Variants in ME1 observed in about 807,000 individuals in gnomAD.
ME1 encodes NADP-dependent malic enzyme.
In ME1, 74 loss-of-function variants were observed where a neutral mutation model predicts 66.4. That is an observed-to-expected ratio of 1.11 (90% CI 0.92 to 1.35). ME1 has a LOEUF of 1.35. Among genes scored for constraint, ME1 ranks in the 40% most tolerant of loss-of-function variants. The pLI, the probability that ME1 is intolerant of heterozygous loss-of-function variation, is 0.00. For missense variants in ME1, 750 were observed against 694.1 expected (o/e 1.08, Z -0.90); for synonymous variants, 251 against 235.6 (o/e 1.07, Z -0.60).
In ME1 at chr6:83,398,436, A is replaced by G; in HGVS notation, c.293T>C (p.Met98Thr). Residue 98 changes from methionine to threonine, a missense_variant, in exon 3 of 14, where the codon ATG (methionine) becomes ACG (threonine). Coordinates refer to ENST00000369705, the MANE Select transcript of ME1 (RefSeq NM_002395.6). ...RVLTSDIEKF[M>T]PIVYTPTVGL... ...CACAGTGGGAGTATAAACAATAGGC[A>G]TGAATTTCTCAATGTCAGATGTCAG... 6.2e-7 allele frequency: 1 copy of G among 1,603,670 alleles called. No homozygotes were observed. The highest frequency in any genetic ancestry group is 8.5e-7 in the Non-Finnish European group (1 of 1,174,234).
intron 2 of ME1, among the ~76,000 whole-genome samples, chr6:83,407,046 C>G (rs57849502): frequency 4.0e-5 from 6 of 151,762 alleles, no homozygotes; most frequent in African/African-American, 1.5e-4. Flanking sequence ...GAGTAACACC[C>G]TGATTAACAC....
At chr6:83,300,129 AAAAC>A (rs1767687039) in intron 6 of ME1, among the ~76,000 whole-genome samples, 1 of 152,178 alleles carries the variant, frequency 6.6e-6, no homozygotes, top group African/African-American at 2.4e-5. Flanking sequence ...AAAGCTAACA[AAAAC>A]AAGCAATGGG....
At chr6:83,374,181 T>A (rs555027420) in intron 3 of ME1, among the ~76,000 whole-genome samples, 4 of 152,350 alleles carry the variant, frequency 2.6e-5, no homozygotes, top group African/African-American at 9.6e-5. Context: ...CACCACACTG[T>A]CTTCCATAAT....
At chr6:83,399,615 C>T (rs2128550871) in intron 2 of ME1, among the ~76,000 whole-genome samples, 1 of 152,280 alleles carries the variant, frequency 6.6e-6, no homozygotes, top group South Asian at 2.1e-4. Context: ...TATCTTATGG[C>T]CTTTTTCTTT....
intron 5 of ME1, among the ~76,000 whole-genome samples, chr6:83,323,659 C>G (rs1389304243): frequency 6.6e-6 from 1 of 152,056 alleles, no homozygotes; most frequent in Non-Finnish European, 1.5e-5. Flanking sequence ...ACATATGCAC[C>G]AATACAGGAG....
intron 6 of ME1, among the ~76,000 whole-genome samples, chr6:83,255,824 ACCACT>A (rs2128528598): frequency 6.6e-6 from 1 of 152,210 alleles, no homozygotes; most frequent in South Asian, 2.1e-4. Context: ...ACTCTTCACA[ACCACT>A]CTATGAAGTA....
At chr6:83,275,706 C>G (rs1767166658) in intron 6 of ME1, among the ~76,000 whole-genome samples, 2 of 145,898 alleles carry the variant, frequency 1.4e-5, no homozygotes, top group African/African-American at 5.1e-5. Context: ...ACCTCGTGAT[C>G]CGCCCGCCTC....
At chr6:83,347,185 C>G (rs1335788885) in intron 4 of ME1, among the ~76,000 whole-genome samples, 1 of 152,136 alleles carries the variant, frequency 6.6e-6, no homozygotes, top group Non-Finnish European at 1.5e-5. Context: ...AACTCCTGAC[C>G]TCGTGATCCA....
chr6:83,277,051 AAACTG>A (rs1767195866), intron 6 of ME1, among the ~76,000 whole-genome samples: 1 of 152,258 alleles, frequency 6.6e-6, no homozygotes, highest in Non-Finnish European at 1.5e-5. Flanking sequence ...GTATTGAAGT[AAACTG>A]CATCCCACCT....
At chr6:83,373,328 C>A (rs893329765) in intron 3 of ME1, among the ~76,000 whole-genome samples, 1 of 152,034 alleles carries the variant, frequency 6.6e-6, no homozygotes, top group Admixed American at 6.6e-5. Flanking sequence ...CCGTACCTCC[C>A]GGGTTTAAGC....
chr6:83,269,104 TAG>T (rs1767041409), intron 6 of ME1, among the ~76,000 whole-genome samples: 2 of 152,286 alleles, frequency 1.3e-5, no homozygotes, highest in South Asian at 4.1e-4. Flanking sequence ...TGTGTATATT[TAG>T]GTAAGTGTTA....
intron 7 of ME1, among the ~76,000 whole-genome samples, chr6:83,250,531 C>A (rs925816189): frequency 5.3e-5 from 8 of 152,190 alleles, no homozygotes; most frequent in African/African-American, 1.7e-4. Flanking sequence ...TACTGCCCTG[C>A]CATTCTTCTA....
At chr6:83,347,213 A>G (rs1768705413) in intron 4 of ME1, among the ~76,000 whole-genome samples, 1 of 152,162 alleles carries the variant, frequency 6.6e-6, no homozygotes, top group Non-Finnish European at 1.5e-5. Flanking sequence ...CAGCCTTCCA[A>G]AGTGCTGGGA....
chr6:83,421,242 A>G (rs1244279643), intron 1 of ME1, among the ~76,000 whole-genome samples: 1 of 152,194 alleles, frequency 6.6e-6, no homozygotes, highest in Non-Finnish European at 1.5e-5. Context: ...TATTATTAAT[A>G]TTGATTGGTA....
intron 7 of ME1, among the ~76,000 whole-genome samples, chr6:83,251,293 G>A (rs1248735996): frequency 2.0e-5 from 3 of 151,900 alleles, no homozygotes; most frequent in African/African-American, 7.3e-5. Flanking sequence ...TCAGGAGCTC[G>A]AGACCAGCCT....
At chr6:83,237,319 G>GAAAAA in intron 9 of ME1, among the ~76,000 whole-genome samples, 1 of 107,632 alleles carries the variant, frequency 9.3e-6, no homozygotes, top group Non-Finnish European at 1.9e-5. Flanking sequence ...AGAAAGAAAA[G>GAAAAA]GAAGGAAAGG....
intron 3 of ME1, among the ~76,000 whole-genome samples, chr6:83,382,111 A>G (rs1207928140): frequency 1.3e-5 from 2 of 151,416 alleles, no homozygotes; most frequent in Non-Finnish European, 2.9e-5. Context: ...CCTTACAGGC[A>G]CTTCCCTAAC....
intron 6 of ME1, among the ~76,000 whole-genome samples, chr6:83,298,941 T>TTG (rs1403893725): frequency 4.1e-4 from 26 of 64,096 alleles, no homozygotes; most frequent in African/African-American, 1.2e-3. Context: ...GTTTTTTTTT[T>TTG]TTTTTTTTTT....
chr6:83,223,819 C>A lies in ME1; in HGVS notation c.1390G>T (p.Gly464Cys), dbSNP rs914491574. The change falls in exon 12 of 14, where the codon GGT (glycine) becomes TGT (cysteine). Residue 464 changes from glycine (G) to cysteine (C), a missense_variant. Physicochemically the swap from Gly to Cys is radical, Grantham distance 159. Coordinates refer to ENST00000369705, the MANE Select transcript of ME1 (RefSeq NM_002395.6). ...TGCCTCAATCCACACGCCACAACAC[C>A]AAGAGCAACTCCAGGGAACACATAG... ...NSYVFPGVAL[G>C]VVACGLRQIT... 6.2e-7 allele frequency: 1 copy of A among 1,613,868 alleles called. No homozygotes were observed. The highest frequency in any genetic ancestry group is 8.5e-7 in the Non-Finnish European group (1 of 1,179,868).
Sources: gnomAD v4.1 joint callset for allele counts (sites outside exome capture counted in the v4.1 genomes callset) on GRCh38, gnomAD v4.1.1 for gene constraint, MANE v1.5 for transcripts, NCBI Gene and HGNC (gene_info 2026-07-23, HGNC 2026-07-21) for gene names.